The following ATP8A2 variants were observed in gnomAD, a reference collection of about 807,000 sequenced individuals.
ATP8A2 encodes phospholipid-transporting ATPase IB.
In ATP8A2, 100 loss-of-function variants were observed where a neutral mutation model predicts 165.6. The observed-to-expected ratio is 0.60, with a 90% confidence interval of 0.51 to 0.71. The LOEUF (loss-of-function observed/expected upper bound fraction) is 0.71. ATP8A2 is among the 30% of genes least tolerant of loss of function. The probability of loss-of-function intolerance (pLI) is 0.00; values close to 1 mark genes in which losing one functional copy is unlikely to be tolerated. For synonymous variants in ATP8A2, 543 were observed against 548.8 expected (o/e 0.99, Z 0.15); for missense variants, 1,227 against 1,479.5 (o/e 0.83, Z 2.80).
At chr13:25,380,968 A>G (rs1052886791) in intron 1 of ATP8A2, among the ~76,000 whole-genome samples, 1 of 152,014 alleles carries the variant, frequency 6.6e-6, no homozygotes, top group Non-Finnish European at 1.5e-5. Flanking sequence ...TTGAGTCAGT[A>G]TCTCCCTCGG....
intron 25 of ATP8A2, among the ~76,000 whole-genome samples, chr13:25,753,244 C>G (rs894457735): frequency 3.9e-5 from 6 of 152,210 alleles, no homozygotes; most frequent in African/African-American, 1.4e-4. Context: ...AGCTCACAAA[C>G]CAAGTGCTAA....
intron 25 of ATP8A2, among the ~76,000 whole-genome samples, chr13:25,755,842 C>T (rs139776416): frequency 1.3e-5 from 2 of 151,924 alleles, no homozygotes; most frequent in Non-Finnish European, 2.9e-5. Context: ...GGGAGGTGGA[C>T]GTTGCAGGCA....
At chr13:25,919,524 G>A (rs776796941) in intron 33 of ATP8A2, among the ~76,000 whole-genome samples, 7 of 152,140 alleles carry the variant, frequency 4.6e-5, no homozygotes, top group Admixed American at 1.3e-4. Context: ...GGTGGGCTGC[G>A]GGAGCCTCAG....
At chr13:25,504,940 G>A (rs9578870) in intron 2 of ATP8A2, among the ~76,000 whole-genome samples, 3,387 of 152,000 alleles carry the variant, frequency 0.022, 52 homozygotes, top group African/African-American at 0.044. Context: ...TATTAACTTC[G>A]GTTTGTATTC....
intron 30 of ATP8A2, among the ~76,000 whole-genome samples, chr13:25,855,941 A>G (rs989271194): frequency 3.3e-5 from 5 of 152,046 alleles, no homozygotes; most frequent in African/African-American, 1.2e-4. Flanking sequence ...GGCCATTTTG[A>G]TATCTTCTTT....
intron 36 of ATP8A2, among the ~76,000 whole-genome samples, chr13:26,018,324 C>G (rs1042159497): frequency 6.6e-6 from 1 of 152,222 alleles, no homozygotes; most frequent in Non-Finnish European, 1.5e-5. Flanking sequence ...CTCCTCTTCT[C>G]CATCCCACGA....
chr13:26,012,580 C>G lies in ATP8A2; in HGVS notation c.3427C>G (p.Pro1143Ala). ...LIKRLGRKTP[P>A]TLFRGSSLQQ... ...CAAGAGGCTGGGCCGGAAGACGCCC[C>G]CGACGCTGTTCCGGGGCAGCTCCCT... is the stretch of plus-strand genomic sequence containing the variant. The change falls in exon 36 of 37, where the codon CCG (proline) becomes GCG (alanine). Residue 1143 changes from proline to alanine, a missense_variant. Transcript: ENST00000381655. 1.3e-6 allele frequency: 2 copies of G among 1,529,040 alleles called. No individual in the cohort carries two copies. The highest frequency in any genetic ancestry group is 1.8e-6 in the Non-Finnish European group (2 of 1,138,260). The allele number at this position is 1,529,040 out of a possible 1,614,324, so 94.7% of individuals were successfully genotyped here.
chr13:25,905,852 C>T (rs1448683280), intron 33 of ATP8A2, among the ~76,000 whole-genome samples: 1 of 152,222 alleles, frequency 6.6e-6, no homozygotes, highest in Non-Finnish European at 1.5e-5. Flanking sequence ...GGCTATCAAA[C>T]CATAAATGAG....
intron 24 of ATP8A2, among the ~76,000 whole-genome samples, chr13:25,625,321 G>A (rs990523968): frequency 1.3e-5 from 2 of 152,208 alleles, no homozygotes; most frequent in Non-Finnish European, 2.9e-5. Context: ...TTAGAAAAGG[G>A]TGCAGAAATG....
intron 33 of ATP8A2, among the ~76,000 whole-genome samples, chr13:25,913,075 C>T (rs539053828): frequency 1.3e-5 from 2 of 152,270 alleles, no homozygotes; most frequent in South Asian, 2.1e-4. Context: ...TCTAAAGAAT[C>T]GCAGAGCAAA....
intron 1 of ATP8A2, among the ~76,000 whole-genome samples, chr13:25,380,505 A>G (rs1007483438): frequency 2.6e-4 from 40 of 152,326 alleles, no homozygotes; most frequent in Admixed American, 3.3e-4. Context: ...AAAATAAAAC[A>G]GTTCATTCAT....
intron 24 of ATP8A2, among the ~76,000 whole-genome samples, chr13:25,667,701 T>G (rs185412763): frequency 2.0e-4 from 31 of 152,086 alleles, no homozygotes; most frequent in Non-Finnish European, 4.4e-4. Flanking sequence ...CAAAATGGAC[T>G]AAGACAATAT....
chr13:25,651,836 A>G (rs1335177302), intron 24 of ATP8A2, among the ~76,000 whole-genome samples: 1 of 152,150 alleles, frequency 6.6e-6, no homozygotes, highest in Non-Finnish European at 1.5e-5. Context: ...TATCTTGGTT[A>G]TAAATAATTA....
chr13:25,624,809 T>C (rs755602485), intron 24 of ATP8A2, among the ~76,000 whole-genome samples: 1 of 152,176 alleles, frequency 6.6e-6, no homozygotes, highest in Non-Finnish European at 1.5e-5. Context: ...CTATGACCAA[T>C]CCTCTTAAGT....
chr13:25,836,599 C>T (rs1414904415), intron 28 of ATP8A2, among the ~76,000 whole-genome samples: 2 of 152,166 alleles, frequency 1.3e-5, no homozygotes, highest in Non-Finnish European at 2.9e-5. Flanking sequence ...GCCCCACTGC[C>T]CTCCTCCACT....
chr13:25,742,299 C>T (rs1032572513), intron 25 of ATP8A2, among the ~76,000 whole-genome samples: 3 of 151,872 alleles, frequency 2.0e-5, no homozygotes, highest in East Asian at 1.9e-4. Context: ...GCAAAAACAT[C>T]GTTATGGGGC....
At chr13:25,495,655 T>TG (rs1463123724) in intron 2 of ATP8A2, among the ~76,000 whole-genome samples, 7 of 125,670 alleles carry the variant, frequency 5.6e-5, no homozygotes, top group East Asian at 2.5e-4. Context: ...TTTTAAGAGA[T>TG]GGGGTCTCAC....
intron 19 of ATP8A2, 68 bp from the exon 20 acceptor site, chr13:25,577,001 G>C: frequency 7.9e-7 from 1 of 1,271,718 alleles, no homozygotes; most frequent in Middle Eastern, 1.9e-4. Context: ...GTTTTGATTG[G>C]TGTTCAGCTG....
At chr13:25,715,087 T>G (rs2043228781) in intron 25 of ATP8A2, among the ~76,000 whole-genome samples, 1 of 152,226 alleles carries the variant, frequency 6.6e-6, no homozygotes, top group South Asian at 2.1e-4. Context: ...TTGGCTTCAT[T>G]GACAGCTAAT....
Sources: allele counts gnomAD v4.1 joint callset (sites outside exome capture counted in the v4.1 genomes callset), GRCh38; gene constraint gnomAD v4.1.1; transcripts MANE v1.5; gene names NCBI Gene and HGNC (gene_info 2026-07-23, HGNC 2026-07-21).